Variants in KIF5C observed in about 807,000 individuals in gnomAD.
KIF5C encodes the protein kinesin heavy chain isoform 5C.
Under a neutral mutation model 125.2 loss-of-function variants are expected in KIF5C, and 18 were observed. The observed-to-expected ratio is 0.14, with a 90% CI of 0.10 to 0.21. The LOEUF is 0.21. Ranked by LOEUF, KIF5C falls within the 10% of genes least tolerant of loss-of-function variation. The pLI, the probability that KIF5C is intolerant of heterozygous loss-of-function variation, is 1.00. For synonymous variants in KIF5C, 405 were observed against 434.0 expected, an observed-to-expected ratio of 0.93 and a Z score of 0.83; for missense variants, 780 against 1,183.8, an observed-to-expected ratio of 0.66 and a Z score of 5.01.
At chr2:148,934,848 A>G (rs1024848619) in intron 3 of KIF5C, among the ~76,000 whole-genome samples, 1 of 151,720 alleles carries the variant, frequency 6.6e-6, no homozygotes, top group African/African-American at 2.4e-5. Context: ...TCACACACAG[A>G]CATATACTAC....
intron 1 of KIF5C, among the ~76,000 whole-genome samples, chr2:148,918,674 T>TG (rs1681658403): frequency 6.6e-6 from 1 of 152,134 alleles, no homozygotes; most frequent in Non-Finnish European, 1.5e-5. Context: ...GAAAAGTCCG[T>TG]GGGGCCACAC....
chr2:148,943,983 T>G (rs1682466962), intron 7 of KIF5C, among the ~76,000 whole-genome samples: 1 of 152,234 alleles, frequency 6.6e-6, no homozygotes, highest in African/African-American at 2.4e-5. Context: ...AAGACAGATA[T>G]TCTTATAGTA....
intron 25 of KIF5C, among the ~76,000 whole-genome samples, chr2:149,014,245 G>A (rs923795462): frequency 3.3e-5 from 5 of 152,190 alleles, no homozygotes; most frequent in African/African-American, 4.8e-5. Context: ...GGCTGGTCTT[G>A]AACTCCTAAC....
chr2:148,910,770 T>C (rs1035517353), intron 1 of KIF5C, among the ~76,000 whole-genome samples: 4 of 152,134 alleles, frequency 2.6e-5, no homozygotes, highest in Admixed American at 1.3e-4. Context: ...GTGGAGCACA[T>C]TGGAGAAAAG....
intron 15 of KIF5C, among the ~76,000 whole-genome samples, chr2:148,988,244 AAAC>A (rs1681435461): frequency 6.6e-6 from 1 of 152,154 alleles, no homozygotes; most frequent in Non-Finnish European, 1.5e-5. Context: ...TAGTGGTAAG[AAAC>A]CTCACAGTTA....
intron 12 of KIF5C, among the ~76,000 whole-genome samples, chr2:148,978,350 T>TTG (rs1490474049): frequency 1.3e-5 from 2 of 148,512 alleles, no homozygotes; most frequent in Non-Finnish European, 3.0e-5. Context: ...TTTTTTTTTT[T>TTG]TTTTTTTTTT....
chr2:148,944,403 GT>G (rs1682478321), intron 7 of KIF5C, among the ~76,000 whole-genome samples: 1 of 152,166 alleles, frequency 6.6e-6, no homozygotes, highest in Admixed American at 6.5e-5. Context: ...ATCATAAAGT[GT>G]TTGTCCTTTT....
intron 21 of KIF5C, among the ~76,000 whole-genome samples, chr2:149,004,049 C>T (rs1021490340): frequency 6.6e-5 from 10 of 152,210 alleles, no homozygotes; most frequent in African/African-American, 2.2e-4. Flanking sequence ...CACCCCTGCC[C>T]CTGGGCTGGA....
At chr2:148,983,143 G>A (rs143023502) in intron 14 of KIF5C, among the ~76,000 whole-genome samples, 23 of 152,104 alleles carry the variant, frequency 1.5e-4, no homozygotes, top group Admixed American at 5.2e-4. Flanking sequence ...ACTTATTAAT[G>A]TTCTTCTGGG....
Position 148,876,021 on chromosome 2 carries a change from G to A in KIF5C, c.126+278G>A, listed in dbSNP as rs1342546273. ...CGCCGCCATTGTTCGCCGGGTGGGG[G>A]CCCGGGTGGGCCCATTGTTCCCCAC... On this transcript the variant is annotated intron_variant, in intron 1 of 25. Transcript: ENST00000435030. The surrounding 1 kb of genome is among the most constrained non-coding windows in gnomAD (Gnocchi z 4.7). Among the ~76,000 whole-genome samples the A allele has an allele frequency of 2.6e-5, 4 of 152,084 alleles. No individual in the cohort carries two copies. The East Asian group carries it at 7.8e-4, about 30-fold the overall frequency.
chr2:148,906,846 A>G (rs964243079), intron 1 of KIF5C, among the ~76,000 whole-genome samples: 22 of 152,280 alleles, frequency 1.4e-4, no homozygotes, highest in African/African-American at 4.8e-4. Flanking sequence ...AGCCTGGGCG[A>G]CAGAGCAAGA....
intron 1 of KIF5C, chr2:148,878,615 A>G (rs967543188): frequency 6.6e-6 from 1 of 152,280 alleles, no homozygotes; most frequent in African/African-American, 2.4e-5. Context: ...TCCCATTCCT[A>G]ATTGATAATG....
At chr2:148,960,838 A>C (rs1302016818) in intron 10 of KIF5C, among the ~76,000 whole-genome samples, 2 of 152,272 alleles carry the variant, frequency 1.3e-5, no homozygotes, top group Non-Finnish European at 2.9e-5. Context: ...AAAATGAAAA[A>C]GTCAATAGCA....
At chr2:148,888,547 C>T (rs1681619601) in intron 1 of KIF5C, 1 of 151,992 alleles carries the variant, frequency 6.6e-6, no homozygotes, top group South Asian at 2.1e-4. Flanking sequence ...CAGGTGAAGG[C>T]CACACAGCTC....
chr2:148,945,986 A>T (rs1044389053), intron 7 of KIF5C, among the ~76,000 whole-genome samples: 1 of 152,088 alleles, frequency 6.6e-6, no homozygotes. Context: ...TCTTTCAGTC[A>T]TGTTTTGTAG....
In KIF5C at chr2:148,929,318, T is replaced by C; in HGVS notation, c.255T>C (p.Tyr85=). Residue 85 remains tyrosine, a synonymous_variant, in exon 3 of 26, where the codon TAT becomes TAC. Transcript: ENST00000435030. The part of the protein sequence containing the change: ...LEGYNGTIFA[Y]GQTSSGKTHT... ...GTTATAACGGGACGATTTTTGCGTA[T>C]GGGCAGACTTCATCAGGAAAAACCC... 3 of 1,536,596 alleles carry C rather than the reference T, an allele frequency of 2.0e-6. No individual in the cohort carries two copies. In the South Asian group the frequency reaches 3.6e-5, roughly 18 times the overall value.
chr2:149,011,273 C>T lies in KIF5C; in HGVS notation c.2768-297C>T, dbSNP rs76526998. ...AGATATCCTTGAAAGTCATGGGGAACCTACGATCCATTTCAGATGAAACTG... is the reference window on the plus strand; with the variant it reads ...AGATATCCTTGAAAGTCATGGGGAATCTACGATCCATTTCAGATGAAACTG... On this transcript the variant is annotated intron_variant, in intron 24 of 25. Transcript: ENST00000435030. Among the ~76,000 whole-genome samples the T allele has an allele frequency of 0.023, 3,533 of 152,336 alleles. 96 individuals carry two copies. The highest frequency in any genetic ancestry group is 0.075 in the Middle Eastern group (22 of 294).
At position 148,948,571 on chromosome 2, in the gene KIF5C, G is replaced by T. The variant is rs914309572; in HGVS notation, c.715-1268G>T. On this transcript the variant is annotated intron_variant, in intron 8 of 25. Coordinates refer to ENST00000435030, the MANE Select transcript of KIF5C (RefSeq NM_004522.3). Reference sequence around the variant, plus strand: ...AGGTGTTTGAAATCATGTCCTTCACGTAGTTTCTTTTGCTCACACACACCT... The same window carrying T: ...AGGTGTTTGAAATCATGTCCTTCACTTAGTTTCTTTTGCTCACACACACCT... 3.9e-5 allele frequency among the ~76,000 whole-genome samples: 6 copies of T among 152,134 alleles called. 1 individual carries two copies. The highest frequency in any genetic ancestry group is 1.3e-4 in the Admixed American group (2 of 15,278).
chr2:148,933,604 G>A (rs1435966779), intron 3 of KIF5C, among the ~76,000 whole-genome samples: 4 of 135,070 alleles, frequency 3.0e-5, no homozygotes, highest in Non-Finnish European at 4.7e-5. Flanking sequence ...ACACAGACAC[G>A]TCACACACAG....
Sources: allele counts gnomAD v4.1 joint callset (sites outside exome capture counted in the v4.1 genomes callset), GRCh38; gene constraint gnomAD v4.1.1; non-coding constraint Gnocchi (gnomAD v3.1); transcripts MANE v1.5; gene names NCBI Gene and HGNC (gene_info 2026-07-23, HGNC 2026-07-21).